The following C17orf67 variants were observed in gnomAD, a reference collection of about 807,000 sequenced individuals.
C17orf67 encodes the protein chromosome 17 open reading frame 67.
Under a neutral mutation model 11.2 loss-of-function variants are expected in C17orf67, and 12 were observed. The observed-to-expected ratio is 1.07, with a 90% CI of 0.68 to 1.73. C17orf67 has a LOEUF of 1.73. Among genes scored for constraint, C17orf67 ranks in the 40% most tolerant of loss-of-function variants. The pLI is 0.00. For synonymous variants in C17orf67, 59 were observed against 46.9 expected (o/e 1.26, Z -1.05); for missense variants, 115 against 113.5 (o/e 1.01, Z -0.06).
At chr17:56,832,612 CCTTA>C (rs1567803464) in intron 2 of C17orf67, among the ~76,000 whole-genome samples, 2 of 152,254 alleles carry the variant, frequency 1.3e-5, no homozygotes, top group African/African-American at 4.8e-5. Context: ...TGTCGCCTAA[CCTTA>C]CTTACACTGA....
At chr17:56,813,230 G>A (rs558349534) in intron 6 of C17orf67, among the ~76,000 whole-genome samples, 2 of 148,076 alleles carry the variant, frequency 1.4e-5, no homozygotes, top group East Asian at 4.0e-4. Flanking sequence ...CCCGCCAGCC[G>A]CCAACAGGAT....
chr17:56,809,654 T>TCA (rs1336824406), intron 6 of C17orf67, among the ~76,000 whole-genome samples: 1 of 108,898 alleles, frequency 9.2e-6, no homozygotes, highest in African/African-American at 3.6e-5. Flanking sequence ...CACAGACCCC[T>TCA]CACAGACTGC....
intron 2 of C17orf67, among the ~76,000 whole-genome samples, chr17:56,827,924 G>A (rs921685088): frequency 1.2e-4 from 18 of 152,144 alleles, no homozygotes; most frequent in Non-Finnish European, 2.4e-4. Flanking sequence ...TGTGGATGCT[G>A]GGCCGGTCGC....
chr17:56,810,087 ACACACCC>A, intron 6 of C17orf67, among the ~76,000 whole-genome samples: 1 of 124,930 alleles, frequency 8.0e-6, no homozygotes, highest in Non-Finnish European at 1.7e-5. Flanking sequence ...ACACACCCTC[ACACACCC>A]CTCACACTTC....
At position 56,826,989 on chromosome 17, in the gene C17orf67, G is replaced by A. The variant is rs148486002; in HGVS notation, c.-556-1668C>T. 2.6e-3 allele frequency among the ~76,000 whole-genome samples: 389 copies of A among 152,378 alleles called. 2 individuals carry two copies. Among genetic ancestry groups the A allele is most frequent in the Middle Eastern group, 0.01 (3 of 294 alleles). On this transcript the variant is annotated intron_variant, in intron 2 of 7. Transcript: ENST00000397861. ...TTGACAGGCCTGGCGCTCTGCACAA[G>A]CTGTGCAATGCTTGGCACATAGTTA...
intron 4 of C17orf67, among the ~76,000 whole-genome samples, chr17:56,824,176 A>T (rs2144147385): frequency 6.6e-6 from 1 of 152,262 alleles, no homozygotes; most frequent in South Asian, 2.1e-4. Context: ...TTCTCTTGGG[A>T]GTAAATTAGT....
chr17:56,792,879 G>GTGA (rs1905139376), intron 7 of C17orf67, among the ~76,000 whole-genome samples: 1 of 139,774 alleles, frequency 7.2e-6, no homozygotes, highest in Non-Finnish European at 1.6e-5. Context: ...GGTGGTGGTG[G>GTGA]TGGTGGTGGT....
chr17:56,812,258 C>T (rs930759592), intron 6 of C17orf67, among the ~76,000 whole-genome samples: 2 of 151,998 alleles, frequency 1.3e-5, no homozygotes, highest in Non-Finnish European at 2.9e-5. Flanking sequence ...TTTGGCACTA[C>T]TGACATTTTG....
At chr17:56,798,821 G>C (rs1905260518) in intron 6 of C17orf67, among the ~76,000 whole-genome samples, 1 of 152,044 alleles carries the variant, frequency 6.6e-6, no homozygotes, top group African/African-American at 2.4e-5. Flanking sequence ...GAGACAGTAC[G>C]AGCCTTTGTC....
chr17:56,795,215 C>T, intron 6 of C17orf67, 35 bp from the exon 7 acceptor site: 1 of 1,590,780 alleles, frequency 6.3e-7, no homozygotes, highest in Non-Finnish European at 8.6e-7. Context: ...AAGGCTTCAC[C>T]CACAGTGACA....
Position 56,815,790 on chromosome 17 carries a change from G to A in C17orf67, c.21C>T (p.Leu7=), listed in dbSNP as rs373286138. 46 of 1,613,760 alleles carry A rather than the reference G, an allele frequency of 2.9e-5. No homozygotes were observed. Among genetic ancestry groups the A allele is most frequent in the South Asian group, 1.1e-4 (10 of 91,040 alleles). ...CAGTCAGTAAGGTAAGAGACAGCAC[G>A]AGCACAGGCAATGTCTTCATCCTGC... MKTLPV[L]VLSLTLLTVF... The change falls in exon 5 of 8, where the codon CTC becomes CTT. Residue 7 remains leucine (L), a synonymous_variant. Transcript: ENST00000397861.
At chr17:56,820,588 G>A (rs1193487226) in intron 4 of C17orf67, among the ~76,000 whole-genome samples, 3 of 152,222 alleles carry the variant, frequency 2.0e-5, no homozygotes, top group Admixed American at 6.5e-5. Flanking sequence ...ACAGTGGCCC[G>A]GGGCTGGAAT....
At chr17:56,821,053 G>C (rs1299492324) in intron 4 of C17orf67, among the ~76,000 whole-genome samples, 1 of 151,974 alleles carries the variant, frequency 6.6e-6, no homozygotes, top group African/African-American at 2.4e-5. Context: ...GGAACCACAG[G>C]CGTGCACTAC....
At chr17:56,815,387 C>T (rs1480708040) in intron 5 of C17orf67, among the ~76,000 whole-genome samples, 4 of 152,050 alleles carry the variant, frequency 2.6e-5, no homozygotes, top group Non-Finnish European at 4.4e-5. Context: ...ATCATCACAA[C>T]CCCTCAAAGA....
intron 2 of C17orf67, among the ~76,000 whole-genome samples, chr17:56,830,684 C>T (rs1038580449): frequency 6.6e-6 from 1 of 152,184 alleles, no homozygotes; most frequent in South Asian, 2.1e-4. Flanking sequence ...ACAAAAGTAA[C>T]CTGAATTAAA....
chr17:56,817,194 C>T (rs1008341738), intron 4 of C17orf67, among the ~76,000 whole-genome samples: 6 of 152,076 alleles, frequency 3.9e-5, no homozygotes, highest in Admixed American at 3.3e-4. Context: ...GTCTGGAAAG[C>T]ATGTGACATT....
intron 6 of C17orf67, among the ~76,000 whole-genome samples, chr17:56,810,249 C>A (rs1279564493): frequency 6.8e-6 from 1 of 147,188 alleles, no homozygotes; most frequent in Non-Finnish European, 1.5e-5. Context: ...CACACACATG[C>A]ATCGCTCTCC....
At chr17:56,808,868 T>G (rs190046087) in intron 6 of C17orf67, among the ~76,000 whole-genome samples, 6 of 152,354 alleles carry the variant, frequency 3.9e-5, no homozygotes, top group African/African-American at 1.4e-4. Context: ...ATACTTGTTT[T>G]CATTTTGAAT....
intron 6 of C17orf67, among the ~76,000 whole-genome samples, chr17:56,805,941 G>A (rs1486733809): frequency 6.6e-6 from 1 of 150,834 alleles, no homozygotes; most frequent in East Asian, 1.9e-4. Context: ...CTGTCTTTGG[G>A]GAGAAGGGAC....
Sources: gnomAD v4.1 joint callset for allele counts (sites outside exome capture counted in the v4.1 genomes callset) on GRCh38, gnomAD v4.1.1 for gene constraint, MANE v1.5 for transcripts, NCBI Gene and HGNC (gene_info 2026-07-23, HGNC 2026-07-21) for gene names.